The following SYNPO2 variants were observed in gnomAD, a reference collection of about 807,000 sequenced individuals.
SYNPO2 encodes the protein synaptopodin 2.
SYNPO2 carries 56 observed loss-of-function variants against 85.0 expected under a neutral mutation model. That is an observed-to-expected ratio of 0.66 (90% CI 0.53 to 0.82). The LOEUF is 0.82. Ranked by LOEUF, SYNPO2 falls within the 40% of genes least tolerant of loss-of-function variation. The pLI is 0.00. For synonymous variants in SYNPO2, 602 were observed against 591.1 expected, an observed-to-expected ratio of 1.02 and a Z score of -0.27; for missense variants, 1,575 against 1,534.2, an observed-to-expected ratio of 1.03 and a Z score of -0.44.
At chr4:119,007,322 A>T (rs1578637226) in intron 1 of SYNPO2, among the ~76,000 whole-genome samples, 1 of 111,760 alleles carries the variant, frequency 8.9e-6, no homozygotes, top group Non-Finnish European at 1.8e-5. Flanking sequence ...ATATAGGCAT[A>T]CTCTATTTTA....
At chr4:119,014,358 G>A (rs1373204844) in intron 1 of SYNPO2, among the ~76,000 whole-genome samples, 6 of 152,250 alleles carry the variant, frequency 3.9e-5, no homozygotes, top group East Asian at 1.9e-4. Flanking sequence ...AGGTTGCAGC[G>A]AGCCAAGATT....
chr4:119,022,478 C>T (rs1347382203), intron 1 of SYNPO2, among the ~76,000 whole-genome samples: 1 of 79,132 alleles, frequency 1.3e-5, no homozygotes, highest in Non-Finnish European at 2.9e-5. Context: ...CAGGCATGCA[C>T]CACCAAGCGG....
At chr4:118,879,607 C>G (rs982681641) in intron 1 of SYNPO2, among the ~76,000 whole-genome samples, 2 of 152,164 alleles carry the variant, frequency 1.3e-5, no homozygotes, top group African/African-American at 2.4e-5. Flanking sequence ...GCTGCCAGAC[C>G]TGTGGGAAAC....
intron 1 of SYNPO2, among the ~76,000 whole-genome samples, chr4:118,938,480 T>C (rs1734190224): frequency 6.6e-6 from 1 of 152,210 alleles, no homozygotes; most frequent in South Asian, 2.1e-4. Context: ...AGGCCAACTG[T>C]ATATTATTAT....
intron 4 of SYNPO2, chr4:119,042,860 A>C (rs1420867560): frequency 6.6e-6 from 1 of 152,222 alleles, no homozygotes; most frequent in Non-Finnish European, 1.5e-5. Context: ...TCTAAAACAG[A>C]AAAGATGGTG....
chr4:118,900,703 CTATATA>C (rs373144800), intron 1 of SYNPO2, among the ~76,000 whole-genome samples: 105 of 43,838 alleles, frequency 2.4e-3, no homozygotes, highest in South Asian at 3.8e-3. Flanking sequence ...CTCTCTCTCT[CTATATA>C]TATATATATA....
intron 1 of SYNPO2, among the ~76,000 whole-genome samples, chr4:118,991,903 A>G (rs1255666374): frequency 2.6e-5 from 4 of 152,222 alleles, no homozygotes. Context: ...AAGTGAAAGT[A>G]TAGAATAAAA....
At position 118,933,829 on chromosome 4, in the gene SYNPO2, G is replaced by GTTTTTTTTTTTT. The variant is rs71595334; in HGVS notation, c.105+44694_105+44705dup. Among the ~76,000 whole-genome samples, 28 of 102,290 alleles carry GTTTTTTTTTTTT rather than the reference G, an allele frequency of 2.7e-4. 1 individual carries two copies. The highest frequency in any genetic ancestry group is 0.02 in the Middle Eastern group (2 of 98). 67.1% of individuals were successfully genotyped at this position (102,290 alleles called of 152,430 possible). ...ATAGCTGCTTTTTGCTGTTGTTGTTGTTTTTTTTTTTTTTTTTGGACAGTA... is the reference window on the plus strand; with the variant it reads ...ATAGCTGCTTTTTGCTGTTGTTGTTGTTTTTTTTTTTTTTTTTTTTTTTTTTTTTGGACAGTA... On this transcript the variant is annotated intron_variant, in intron 1 of 4. Coordinates refer to ENST00000307142, the MANE Select transcript of SYNPO2 (RefSeq NM_133477.3).
intron 1 of SYNPO2, among the ~76,000 whole-genome samples, chr4:118,953,190 C>T (rs909469665): frequency 5.3e-5 from 8 of 152,170 alleles, no homozygotes; most frequent in Admixed American, 3.9e-4. Context: ...GTCATCTTCA[C>T]GTTGTTTGGT....
chr4:119,022,196 T>C (rs1737747903), intron 1 of SYNPO2, among the ~76,000 whole-genome samples: 1 of 152,150 alleles, frequency 6.6e-6, no homozygotes, highest in Non-Finnish European at 1.5e-5. Flanking sequence ...CTCAAACAAG[T>C]TGCCCCGTCC....
Position 119,032,772 on chromosome 4 carries a change from C to G in SYNPO2, c.3252+745C>G. On this transcript the variant is annotated intron_variant, in intron 4 of 4. Coordinates refer to ENST00000307142, the MANE Select transcript of SYNPO2 (RefSeq NM_133477.3). ...TGGTGGTTCATGCCTGGAATCCTAG[C>G]ACTTTGGGAGGCTGAGGTAGGAGGA... The G allele has an allele frequency of 4.6e-6, 4 of 875,542 alleles. 1 individual carries two copies. Among genetic ancestry groups the G allele is most frequent in the Non-Finnish European group, 5.5e-6 (4 of 729,918 alleles). The allele number at this position is 875,542 out of a possible 1,614,324, so 54.2% of individuals were successfully genotyped here. A position where few individuals can be genotyped will look rare whatever the true frequency, so the allele number is the denominator to read the frequency against.
At chr4:118,913,395 A>C (rs1042703096) in intron 1 of SYNPO2, among the ~76,000 whole-genome samples, 1 of 152,202 alleles carries the variant, frequency 6.6e-6, no homozygotes, top group Non-Finnish European at 1.5e-5. Context: ...TGGCATGTCA[A>C]TGAATGGCAA....
At chr4:119,019,363 GGTCTAATATATTATAT>G (rs2149183153) in intron 1 of SYNPO2, among the ~76,000 whole-genome samples, 1 of 152,144 alleles carries the variant, frequency 6.6e-6, no homozygotes, top group African/African-American at 2.4e-5. Context: ...ACTCACTCAG[GGTCTAATATATTATAT>G]GTAGAATGAG....
chr4:119,002,341 A>T (rs1283290890), intron 1 of SYNPO2, among the ~76,000 whole-genome samples: 1 of 151,926 alleles, frequency 6.6e-6, no homozygotes, highest in African/African-American at 2.4e-5. Flanking sequence ...GCTCACTGCA[A>T]CCTCTGCCTC....
At chr4:118,986,927 GAACAGAA>G (rs1736241238) in intron 1 of SYNPO2, among the ~76,000 whole-genome samples, 1 of 152,118 alleles carries the variant, frequency 6.6e-6, no homozygotes, top group Non-Finnish European at 1.5e-5. Flanking sequence ...TCACAAAATG[GAACAGAA>G]AATTCTAGTG....
intron 1 of SYNPO2, among the ~76,000 whole-genome samples, chr4:118,976,331 G>A (rs1489947078): frequency 6.6e-6 from 1 of 152,144 alleles, no homozygotes; most frequent in African/African-American, 2.4e-5. Context: ...CTGGGCTCGT[G>A]GTCTCAAGAG....
At chr4:118,879,441 C>T (rs1732024067) in intron 1 of SYNPO2, among the ~76,000 whole-genome samples, 1 of 152,002 alleles carries the variant, frequency 6.6e-6, no homozygotes, top group African/African-American at 2.4e-5. Context: ...AGGATAGAGC[C>T]CTTGTGAATG....
In SYNPO2 at chr4:119,051,346, C is replaced by T. The variant is rs535571716; in HGVS notation, c.3253-6055C>T. On this transcript the variant is annotated intron_variant, in intron 4 of 4. Transcript: ENST00000307142. ...CTGGGACTACAAGCGCCCGCCACTA[C>T]GCCCGGCTAATTTTTTGTATTTTTA... 3.3e-5 allele frequency among the ~76,000 whole-genome samples: 5 copies of T among 149,398 alleles called. No individual in the cohort carries two copies. In the South Asian group the frequency reaches 8.7e-4, roughly 26 times the overall value.
intron 4 of SYNPO2, chr4:119,043,900 T>C (rs920104694): frequency 6.3e-5 from 8 of 127,060 alleles, no homozygotes; most frequent in Non-Finnish European, 1.2e-4. Context: ...ATCGTACTGC[T>C]GCAGTCCAGC....
Sources: gnomAD v4.1 joint callset for allele counts (sites outside exome capture counted in the v4.1 genomes callset) on GRCh38, gnomAD v4.1.1 for gene constraint, MANE v1.5 for transcripts, NCBI Gene and HGNC (gene_info 2026-07-23, HGNC 2026-07-21) for gene names.